Variants in HSD17B12 observed in about 807,000 individuals in gnomAD.
HSD17B12 encodes the protein hydroxysteroid 17-beta dehydrogenase 12, also known as very-long-chain 3-oxoacyl-CoA reductase.
In HSD17B12, 32 loss-of-function variants were observed where a neutral mutation model predicts 39.3. The ratio of observed to expected loss-of-function variants is 0.81; its 90% confidence interval spans 0.61 to 1.09. HSD17B12 has a LOEUF of 1.09. Among genes scored for constraint, HSD17B12 ranks in the 50% least tolerant of loss-of-function variants. The pLI, the probability that HSD17B12 is intolerant of heterozygous loss-of-function variation, is 0.00. For synonymous variants in HSD17B12, 150 were observed against 146.7 expected (o/e 1.02, Z -0.16); for missense variants, 342 against 382.9 (o/e 0.89, Z 0.89).
the HSD17B12 span, among the ~76,000 whole-genome samples, chr11:43,596,196 C>G: frequency 2.6e-4 from 39 of 152,124 alleles, no homozygotes; most frequent in African/African-American, 9.2e-4. Flanking sequence ...CAGCCTCAAA[C>G]CCCCCGTTTT....
At chr11:43,720,848 G>GA (rs200411337) in intron 1 of HSD17B12, among the ~76,000 whole-genome samples, 13 of 151,620 alleles carry the variant, frequency 8.6e-5, no homozygotes, top group East Asian at 3.9e-4. Flanking sequence ...GAGTTTTAAT[G>GA]AAAAAAAACC....
chr11:43,814,829 T>C (rs1013415273), intron 4 of HSD17B12, among the ~76,000 whole-genome samples: 1 of 152,234 alleles, frequency 6.6e-6, no homozygotes, highest in African/African-American at 2.4e-5. Context: ...TTTGTTTCTT[T>C]CTTTTCCTAC....
chr11:43,656,093 C>G, the HSD17B12 span, among the ~76,000 whole-genome samples: 4 of 151,988 alleles, frequency 2.6e-5, no homozygotes, highest in Admixed American at 6.6e-5. Context: ...GCCTGTTATT[C>G]GTCTATTCAG....
At chr11:43,574,857 G>C in the HSD17B12 span, among the ~76,000 whole-genome samples, 1 of 152,324 alleles carries the variant, frequency 6.6e-6, no homozygotes. Context: ...AGCATTTGCA[G>C]TCTTTGTTGA....
the HSD17B12 span, among the ~76,000 whole-genome samples, chr11:43,673,962 C>A: frequency 6.6e-6 from 1 of 152,180 alleles, no homozygotes. Context: ...GTAGTACCTA[C>A]CTCACTGAAC....
At chr11:43,592,617 C>G in the HSD17B12 span, among the ~76,000 whole-genome samples, 2 of 152,294 alleles carry the variant, frequency 1.3e-5, no homozygotes, top group African/African-American at 4.8e-5. Context: ...ATGAAATTCA[C>G]TGTACTATTG....
At chr11:43,655,000 T>A in the HSD17B12 span, among the ~76,000 whole-genome samples, 2 of 152,212 alleles carry the variant, frequency 1.3e-5, no homozygotes, top group Non-Finnish European at 2.9e-5. Flanking sequence ...TTGGGCAGTA[T>A]GGCCATTTTC....
chr11:43,638,320 G>C, the HSD17B12 span, among the ~76,000 whole-genome samples: 4 of 152,190 alleles, frequency 2.6e-5, no homozygotes, highest in Admixed American at 2.6e-4. Flanking sequence ...TGTTTAAAGA[G>C]AGATTTCATG....
the HSD17B12 span, among the ~76,000 whole-genome samples, chr11:43,625,739 T>G: frequency 1.3e-5 from 2 of 151,290 alleles, no homozygotes; most frequent in African/African-American, 2.4e-5. Flanking sequence ...ACTCTTGATA[T>G]CTGGGTCTAT....
chr11:43,773,315 C>T lies in HSD17B12; in HGVS notation c.283+19194C>T, dbSNP rs142266610. 1.1e-4 allele frequency among the ~76,000 whole-genome samples: 16 copies of T among 152,296 alleles called. No individual in the cohort carries two copies. The East Asian group carries it at 2.7e-3, about 26-fold the overall frequency. ...CTGGAGTGTAGTGGTGTGATCATAGCTCACTGTAACTTTAAACTCCTGGGC... is the reference window on the plus strand; with the variant it reads ...CTGGAGTGTAGTGGTGTGATCATAGTTCACTGTAACTTTAAACTCCTGGGC... On this transcript the variant is annotated intron_variant, in intron 3 of 10. Transcript: ENST00000278353.
At position 43,705,759 on chromosome 11, in the gene HSD17B12, C is replaced by CTTTTTTTTTTTTTTTTTTTTTT. The variant is rs1950008218; in HGVS notation, c.160+24773_160+24774insTTTTTTTTTTTTTTTTTTTTTT. Among the ~76,000 whole-genome samples the CTTTTTTTTTTTTTTTTTTTTTT allele has an allele frequency of 2.0e-5, 2 of 102,022 alleles. 1 individual carries two copies. The allele number at this position is 102,022 out of a possible 152,430, so 66.9% of individuals were successfully genotyped here. A position where few individuals can be genotyped will look rare whatever the true frequency, so the allele number is the denominator to read the frequency against. ...TTTAAATTTCTTTTTTTCCTCTCTC[C>CTTTTTTTTTTTTTTTTTTTTTT]TCTTTTTTTTTTTTTTTTTTTTTTT... On this transcript the variant is annotated intron_variant, in intron 1 of 10. Coordinates refer to ENST00000278353, the MANE Select transcript of HSD17B12 (RefSeq NM_016142.3).
the HSD17B12 span, among the ~76,000 whole-genome samples, chr11:43,643,164 C>T: frequency 1.3e-5 from 2 of 151,976 alleles, no homozygotes; most frequent in East Asian, 1.9e-4. Flanking sequence ...CTAGTTGTTG[C>T]CTTAGTGTAT....
rs117196882 is a variant in HSD17B12 at position 43,681,645 on chromosome 11, T to C, written c.160+658T>C. On this transcript the variant is annotated intron_variant, in intron 1 of 10. Transcript: ENST00000278353. ...AGCAAGAACTATTGCTTCTGTAAAA[T>C]GATAACTCATCATGTTAAAATCAGA... is the stretch of plus-strand genomic sequence containing the variant. Among the ~76,000 whole-genome samples the C allele has an allele frequency of 3.6e-3, 542 of 151,716 alleles. 3 individuals carry two copies. Among genetic ancestry groups the C allele is most frequent in the East Asian group, 0.034 (173 of 5,106 alleles).
chr11:43,610,298 A>C, the HSD17B12 span, among the ~76,000 whole-genome samples: 10 of 152,328 alleles, frequency 6.6e-5, no homozygotes, highest in South Asian at 2.1e-3. Flanking sequence ...CTGGAGTCCG[A>C]AACAATGTTA....
chr11:43,622,229 A>G, the HSD17B12 span, among the ~76,000 whole-genome samples: 1 of 152,230 alleles, frequency 6.6e-6, no homozygotes, highest in East Asian at 1.9e-4. Flanking sequence ...AAGGAATTGC[A>G]TCACATGTAC....
intron 4 of HSD17B12, among the ~76,000 whole-genome samples, chr11:43,809,628 G>T (rs141521792): frequency 0.041 from 6,183 of 152,220 alleles, 141 homozygotes; most frequent in Non-Finnish European, 0.051. Flanking sequence ...AGACCAGCCT[G>T]ACCAACATGG....
the HSD17B12 span, among the ~76,000 whole-genome samples, chr11:43,609,679 G>A: frequency 1.3e-5 from 2 of 151,982 alleles, no homozygotes; most frequent in Non-Finnish European, 2.9e-5. Context: ...TTTAATCTCC[G>A]GCAGATCCTA....
At chr11:43,636,465 T>G in the HSD17B12 span, among the ~76,000 whole-genome samples, 4 of 152,224 alleles carry the variant, frequency 2.6e-5, no homozygotes, top group South Asian at 8.3e-4. Context: ...AAACATGAGA[T>G]AGAGGATATA....
chr11:43,609,415 G>T, the HSD17B12 span, among the ~76,000 whole-genome samples: 1 of 151,040 alleles, frequency 6.6e-6, no homozygotes, highest in Admixed American at 6.6e-5. Context: ...GTCCAGGCTG[G>T]AGTGCAGTGG....
Sources: gnomAD v4.1 joint callset for allele counts (sites outside exome capture counted in the v4.1 genomes callset) on GRCh38, gnomAD v4.1.1 for gene constraint, MANE v1.5 for transcripts, NCBI Gene and HGNC (gene_info 2026-07-23, HGNC 2026-07-21) for gene names.